SNX29: variants seen among roughly 807,000 people sequenced by gnomAD.
The protein encoded by SNX29 is sorting nexin 29.
In SNX29, 78 loss-of-function variants were observed where a neutral mutation model predicts 102.1. The observed-to-expected ratio is 0.76, with a 90% CI of 0.64 to 0.92. The LOEUF (loss-of-function observed/expected upper bound fraction) is 0.92. Ranked by LOEUF, SNX29 falls within the 40% of genes least tolerant of loss-of-function variation. SNX29 has a pLI of 0.00. For missense variants in SNX29, 1,280 were observed against 1,061.7 expected, an observed-to-expected ratio of 1.21 and a Z score of -2.86; for synonymous variants, 580 against 414.5, an observed-to-expected ratio of 1.40 and a Z score of -4.85.
At chr16:12,077,386 G>GGTGTGTGT (rs60621681) in intron 10 of SNX29, among the ~76,000 whole-genome samples, 71 of 142,884 alleles carry the variant, frequency 5.0e-4, no homozygotes, top group African/African-American at 1.2e-3. Context: ...TCCTAGTCAT[G>GGTGTGTGT]GTGTGTGTGT....
intron 14 of SNX29, among the ~76,000 whole-genome samples, chr16:12,243,501 T>A (rs1301164110): frequency 6.6e-6 from 1 of 152,248 alleles, no homozygotes; most frequent in Admixed American, 6.5e-5. Flanking sequence ...GATTGTTAGC[T>A]AACTTTTACT....
At chr16:12,137,461 C>G (rs556704508) in intron 13 of SNX29, among the ~76,000 whole-genome samples, 24 of 152,254 alleles carry the variant, frequency 1.6e-4, no homozygotes, top group African/African-American at 5.5e-4. Flanking sequence ...TTTATTTGTC[C>G]CTGCTGGGCT....
chr16:12,472,946 C>T (rs144061927), intron 18 of SNX29, among the ~76,000 whole-genome samples: 49 of 152,176 alleles, frequency 3.2e-4, no homozygotes, highest in African/African-American at 1.1e-3. Context: ...CAAGGAGATC[C>T]GACATAAAGT....
intron 1 of SNX29, among the ~76,000 whole-genome samples, chr16:11,986,508 A>G (rs1005683847): frequency 2.0e-5 from 3 of 152,184 alleles, no homozygotes; most frequent in African/African-American, 7.2e-5. Context: ...CCTTTGTTCA[A>G]AGCATACACT....
chr16:12,285,279 A>C (rs1281680428), intron 15 of SNX29, among the ~76,000 whole-genome samples: 1 of 152,104 alleles, frequency 6.6e-6, no homozygotes, highest in African/African-American at 2.4e-5. Flanking sequence ...ACCGTTTTCT[A>C]GCTGTTTGCC....
intron 18 of SNX29, among the ~76,000 whole-genome samples, chr16:12,453,312 A>T (rs1384122977): frequency 6.6e-6 from 1 of 152,210 alleles, no homozygotes; most frequent in African/African-American, 2.4e-5. Flanking sequence ...TTCCCCAGGC[A>T]ACCACCACTG....
Position 12,570,125 on chromosome 16 carries a change from C to T in SNX29, c.*1496C>T. Reference sequence around the variant, plus strand: ...AGCAAAAAGGAAGATTGTTCATGGCCTTTAAGGAAGGCTGAGATCACTCAC... The same window carrying T: ...AGCAAAAAGGAAGATTGTTCATGGCTTTTAAGGAAGGCTGAGATCACTCAC... On this transcript the variant is annotated 3_prime_UTR_variant, in exon 21 of 21. Coordinates refer to ENST00000566228, the MANE Select transcript of SNX29 (RefSeq NM_032167.5). 9.6e-7 allele frequency: 1 copy of T among 1,046,714 alleles called. No individual in the cohort carries two copies. Among genetic ancestry groups the T allele is most frequent in the Non-Finnish European group, 1.2e-6 (1 of 862,644 alleles). The allele number at this position is 1,046,714 out of a possible 1,614,324, so 64.8% of individuals were successfully genotyped here. A position where few individuals can be genotyped will look rare whatever the true frequency, so the allele number is the denominator to read the frequency against.
At chr16:12,381,932 C>T (rs576896377) in intron 16 of SNX29, among the ~76,000 whole-genome samples, 9 of 151,090 alleles carry the variant, frequency 6.0e-5, no homozygotes, top group Non-Finnish European at 8.8e-5. Flanking sequence ...CCCACACATC[C>T]GGCATTTCTA....
At chr16:12,532,550 T>G (rs1042933515) in intron 20 of SNX29, among the ~76,000 whole-genome samples, 3 of 152,254 alleles carry the variant, frequency 2.0e-5, no homozygotes, top group African/African-American at 7.2e-5. Context: ...GGAGAATTCC[T>G]AAGAACTTGC....
intron 1 of SNX29, among the ~76,000 whole-genome samples, chr16:11,989,579 C>T (rs762104515): frequency 2.3e-4 from 35 of 152,312 alleles, no homozygotes; most frequent in Admixed American, 1.0e-3. Context: ...ATGAGGCAGC[C>T]GTTGTGCCCT....
chr16:12,170,995 C>T (rs1260352359), intron 13 of SNX29, among the ~76,000 whole-genome samples: 1 of 151,898 alleles, frequency 6.6e-6, no homozygotes, highest in African/African-American at 2.4e-5. Context: ...GTGTTAGGGG[C>T]GCAGCGTGAT....
At chr16:12,284,362 A>T (rs1282252069) in intron 15 of SNX29, among the ~76,000 whole-genome samples, 2 of 152,240 alleles carry the variant, frequency 1.3e-5, no homozygotes, top group Admixed American at 6.5e-5. Context: ...TGGGAATGAC[A>T]CATAAGAACC....
Position 12,043,022 on chromosome 16 carries a change from G to A in SNX29, c.373G>A (p.Glu125Lys), listed in dbSNP as rs763576162. 3.1e-5 allele frequency: 50 copies of A among 1,613,456 alleles called. No homozygotes were observed. The Admixed American group carries it at 5.5e-4, about 18-fold the overall frequency. ...CGCCTGGCTGCGCTGTGCCCTCAACGAACACTCCCTGGAGCGCTACCTGCA... is the reference window on the plus strand; with the variant it reads ...CGCCTGGCTGCGCTGTGCCCTCAACAAACACTCCCTGGAGCGCTACCTGCA... ...GRAWLRCALN[E>K]HSLERYLHML... Residue 125 changes from glutamate (E) to lysine (K), a missense_variant, in exon 5 of 21, where the codon GAA (glutamate) becomes AAA (lysine). Transcript: ENST00000566228.
intron 14 of SNX29, among the ~76,000 whole-genome samples, chr16:12,200,653 T>G (rs576405607): frequency 6.6e-6 from 1 of 152,270 alleles, no homozygotes; most frequent in African/African-American, 2.4e-5. Context: ...CAGCTAATTT[T>G]TGTATTTTTA....
chr16:12,315,808 C>T (rs1402275103), intron 15 of SNX29, among the ~76,000 whole-genome samples: 1 of 152,192 alleles, frequency 6.6e-6, no homozygotes, highest in East Asian at 1.9e-4. Context: ...GGATGATGGG[C>T]TGGATTTGAC....
At chr16:12,156,008 T>C (rs2055532996) in intron 13 of SNX29, among the ~76,000 whole-genome samples, 1 of 152,182 alleles carries the variant, frequency 6.6e-6, no homozygotes, top group South Asian at 2.1e-4. Context: ...CTCCGACTCC[T>C]CCTCGTGTTC....
rs2052856298 is a variant in SNX29 at position 12,098,325 on chromosome 16, A to C, written c.1402+19410A>C. Among the ~76,000 whole-genome samples the C allele has an allele frequency of 6.6e-6, 1 of 152,206 alleles. No homozygotes were observed. Among genetic ancestry groups the C allele is most frequent in the African/African-American group, 2.4e-5 (1 of 41,448 alleles). On this transcript the variant is annotated intron_variant, in intron 11 of 20. Coordinates refer to ENST00000566228, the MANE Select transcript of SNX29 (RefSeq NM_032167.5). This position sits in a 1 kb window ranked among gnomAD's most constrained non-coding sequence, Gnocchi z 6.0. Reference sequence around the variant, plus strand: ...AAAAGGTACGTATGGGATACCGTAAAGGATTTCTCTTCCACTCCCACATCA... The same window carrying C: ...AAAAGGTACGTATGGGATACCGTAACGGATTTCTCTTCCACTCCCACATCA...
chr16:12,557,010 A>G (rs1250610167), intron 20 of SNX29, among the ~76,000 whole-genome samples: 1 of 45,406 alleles, frequency 2.2e-5, no homozygotes, highest in Non-Finnish European at 4.3e-5. Context: ...ACATCTGGCT[A>G]ATTTACCCCC....
chr16:12,480,180 G>T (rs747395842), intron 19 of SNX29, among the ~76,000 whole-genome samples: 8 of 152,260 alleles, frequency 5.3e-5, no homozygotes, highest in Middle Eastern at 6.8e-3. Context: ...CAAATGCAGG[G>T]ACTAAAACAA....
Sources: gnomAD v4.1 joint callset for allele counts (sites outside exome capture counted in the v4.1 genomes callset) on GRCh38, gnomAD v4.1.1 for gene constraint, Gnocchi (gnomAD v3.1) non-coding constraint, MANE v1.5 for transcripts, NCBI Gene and HGNC (gene_info 2026-07-23, HGNC 2026-07-21) for gene names.